PTPRN2: variants seen among roughly 807,000 people sequenced by gnomAD.
PTPRN2 encodes the protein receptor-type tyrosine-protein phosphatase N2.
In PTPRN2, 74 loss-of-function variants were observed where a neutral mutation model predicts 118.8. That is an observed-to-expected ratio of 0.62 (90% confidence interval 0.52 to 0.76). The LOEUF is 0.76. Ranked by LOEUF, PTPRN2 falls within the 30% of genes least tolerant of loss-of-function variation. PTPRN2 has a pLI of 0.00. For synonymous variants in PTPRN2, 641 were observed against 608.0 expected, an observed-to-expected ratio of 1.05 and a Z score of -0.80; for missense variants, 1,481 against 1,394.4, an observed-to-expected ratio of 1.06 and a Z score of -0.99.
chr7:158,349,946 A>G (rs1393554878), intron 2 of PTPRN2, among the ~76,000 whole-genome samples: 1 of 152,126 alleles, frequency 6.6e-6, no homozygotes, highest in African/African-American at 2.4e-5. Context: ...ATGTCCAAGA[A>G]CAAGGGCGTT....
At chr7:158,421,315 G>A (rs1815228182) in intron 2 of PTPRN2, among the ~76,000 whole-genome samples, 1 of 152,202 alleles carries the variant, frequency 6.6e-6, no homozygotes. Context: ...AAATGAACAT[G>A]TAAGGCTGAG....
chr7:158,502,352 TAGA>T (rs1563366121), intron 1 of PTPRN2, among the ~76,000 whole-genome samples: 3 of 152,354 alleles, frequency 2.0e-5, no homozygotes, highest in African/African-American at 4.8e-5. Context: ...CTTGATTTAT[TAGA>T]AGGAGATCAG....
chr7:157,666,281 T>C (rs1796133099), intron 13 of PTPRN2, among the ~76,000 whole-genome samples: 1 of 152,192 alleles, frequency 6.6e-6, no homozygotes, highest in Non-Finnish European at 1.5e-5. Context: ...CGTCTCAGTA[T>C]AGCTGCTCTG....
chr7:158,164,575 G>A (rs1170454497), intron 6 of PTPRN2, among the ~76,000 whole-genome samples: 1 of 151,744 alleles, frequency 6.6e-6, no homozygotes, highest in Non-Finnish European at 1.5e-5. Context: ...CGCAGAGCAG[G>A]AATGCGTCCT....
intron 3 of PTPRN2, among the ~76,000 whole-genome samples, chr7:158,283,300 C>G (rs1408377569): frequency 6.6e-6 from 1 of 152,198 alleles, no homozygotes. Flanking sequence ...TCAGGCAGCT[C>G]CCCAGACCCC....
At chr7:157,827,201 G>T (rs540775201) in intron 12 of PTPRN2, among the ~76,000 whole-genome samples, 31 of 152,306 alleles carry the variant, frequency 2.0e-4, no homozygotes, top group Non-Finnish European at 4.0e-4. Flanking sequence ...AACTCATGAA[G>T]CATCAAAGGC....
intron 10 of PTPRN2, among the ~76,000 whole-genome samples, chr7:158,084,587 C>G (rs1026832534): frequency 6.6e-6 from 1 of 152,008 alleles, no homozygotes; most frequent in African/African-American, 2.4e-5. Context: ...AAGTACTGCA[C>G]CTAATATTAC....
chr7:157,833,419 T>C (rs1249547314), intron 12 of PTPRN2, among the ~76,000 whole-genome samples: 1 of 149,940 alleles, frequency 6.7e-6, no homozygotes, highest in Non-Finnish European at 1.5e-5. Context: ...CCATCCTGTA[T>C]GATGGTGAAC....
chr7:157,636,255 A>G (rs1484319029), intron 14 of PTPRN2, among the ~76,000 whole-genome samples: 2 of 152,232 alleles, frequency 1.3e-5, no homozygotes, highest in Admixed American at 6.5e-5. Context: ...CTCAAAATGC[A>G]ATTTCCATAG....
At chr7:158,513,512 A>G (rs893175744) in intron 1 of PTPRN2, among the ~76,000 whole-genome samples, 1 of 152,230 alleles carries the variant, frequency 6.6e-6, no homozygotes, top group South Asian at 2.1e-4. Context: ...CAAACTGTGT[A>G]CTAATGTAGG....
rs79259500 is a variant in PTPRN2, at chr7:158,379,371, T to C, written c.164-62439A>G. ...TGGTGTCTGTTCAGTAAATGTTTGA[T>C]GAAAGCAAAGACAGGAACAGAGGAG... On this transcript the variant is annotated intron_variant, in intron 2 of 22. Coordinates refer to ENST00000389418, the MANE Select transcript of PTPRN2 (RefSeq NM_002847.5). 8.9e-3 allele frequency among the ~76,000 whole-genome samples: 1,342 copies of C among 151,204 alleles called. 12 individuals carry two copies. Among genetic ancestry groups the C allele is most frequent in the African/African-American group, 0.031 (1,268 of 41,116 alleles).
rs982279864 is a variant in PTPRN2 at position 157,621,607 on chromosome 7, G to A, written c.2197-98C>T. 2.0e-5 allele frequency: 30 copies of A among 1,475,358 alleles called. No homozygotes were observed. In the African/African-American group the frequency reaches 2.5e-4, roughly 12 times the overall value. The allele number at this position is 1,475,358 out of a possible 1,614,324, so 91.4% of individuals were successfully genotyped here. On this transcript the variant is annotated intron_variant, in intron 14 of 22. Coordinates refer to ENST00000389418, the MANE Select transcript of PTPRN2 (RefSeq NM_002847.5). ...GGAGGCCTTTGCACTCGCCGCGTGG[G>A]CCATGCCCACCTTGCTCACGAGCCT...
At chr7:157,989,353 A>T (rs1223997499) in intron 11 of PTPRN2, among the ~76,000 whole-genome samples, 1 of 152,206 alleles carries the variant, frequency 6.6e-6, no homozygotes, top group South Asian at 2.1e-4. Context: ...CAGGAGGTCT[A>T]AGCTGCAGTG....
chr7:157,805,040 G>A (rs1305184885), intron 12 of PTPRN2, among the ~76,000 whole-genome samples: 1 of 152,154 alleles, frequency 6.6e-6, no homozygotes, highest in East Asian at 1.9e-4. Context: ...CTGCACACTA[G>A]ACTCAGTCCT....
intron 2 of PTPRN2, among the ~76,000 whole-genome samples, chr7:158,351,587 G>C (rs1021898075): frequency 6.6e-6 from 1 of 152,136 alleles, no homozygotes; most frequent in African/African-American, 2.4e-5. Flanking sequence ...GGTTACCTAC[G>C]AGTGAAATGG....
At chr7:158,254,885 A>G (rs1216401970) in intron 3 of PTPRN2, among the ~76,000 whole-genome samples, 2 of 152,256 alleles carry the variant, frequency 1.3e-5, no homozygotes, top group South Asian at 2.1e-4. Flanking sequence ...TCTACTTTCT[A>G]TAGCAAAATA....
chr7:158,317,668 A>C (rs1802446614), intron 2 of PTPRN2, among the ~76,000 whole-genome samples: 1 of 152,186 alleles, frequency 6.6e-6, no homozygotes, highest in Non-Finnish European at 1.5e-5. Context: ...ACAAAAGGTT[A>C]ATTCAGGCGC....
chr7:158,480,131 C>T (rs1820553543), intron 2 of PTPRN2, among the ~76,000 whole-genome samples: 1 of 152,206 alleles, frequency 6.6e-6, no homozygotes. Context: ...TTCCACGTCG[C>T]GGGGGTTGCG....
Position 157,910,652 on chromosome 7 carries a change from T to A in PTPRN2, c.1724-11915A>T, listed in dbSNP as rs147429886. ...ATCGTTTGTATGCAAAGCAAACCCA[T>A]GCACAGCTGACTGTGTCAAAACACA... is the stretch of plus-strand genomic sequence containing the variant. On this transcript the variant is annotated intron_variant, in intron 11 of 22. Coordinates refer to ENST00000389418, the MANE Select transcript of PTPRN2 (RefSeq NM_002847.5). Among the ~76,000 whole-genome samples the A allele has an allele frequency of 3.9e-5, 6 of 152,328 alleles. No individual in the cohort carries two copies. The East Asian group carries it at 1.2e-3, about 29-fold the overall frequency.
Sources: allele counts gnomAD v4.1 joint callset (sites outside exome capture counted in the v4.1 genomes callset), GRCh38; gene constraint gnomAD v4.1.1; transcripts MANE v1.5; gene names NCBI Gene and HGNC (gene_info 2026-07-23, HGNC 2026-07-21).